The following CNTNAP2 variants were observed in gnomAD, a reference collection of about 807,000 sequenced individuals.
CNTNAP2 encodes contactin associated protein 2, also known as contactin-associated protein-like 2.
Under a neutral mutation model 155.2 loss-of-function variants are expected in CNTNAP2, and 98 were observed. The observed-to-expected ratio is 0.63, with a 90% CI of 0.54 to 0.75. The LOEUF (loss-of-function observed/expected upper bound fraction) is 0.75, where lower values mean the gene tolerates loss of function less well. Ranked by LOEUF, CNTNAP2 falls within the 30% of genes least tolerant of loss-of-function variation. The pLI, the probability that CNTNAP2 is intolerant of heterozygous loss-of-function variation, is 0.00. For synonymous variants in CNTNAP2, 651 were observed against 631.2 expected (o/e 1.03, Z -0.47); for missense variants, 1,727 against 1,688.1 (o/e 1.02, Z -0.40).
intron 1 of CNTNAP2, among the ~76,000 whole-genome samples, chr7:146,263,654 A>G (rs1161920249): frequency 1.3e-5 from 2 of 152,180 alleles, no homozygotes; most frequent in Admixed American, 1.3e-4. Context: ...GGTTGGCTTC[A>G]TTTTTCTCAC....
chr7:148,125,106 A>G (rs979867835), intron 16 of CNTNAP2, among the ~76,000 whole-genome samples: 5 of 152,172 alleles, frequency 3.3e-5, no homozygotes, highest in African/African-American at 9.7e-5. Context: ...CTAAATATTT[A>G]TCTAGTATTT....
intron 13 of CNTNAP2, among the ~76,000 whole-genome samples, chr7:147,786,114 A>G (rs953542313): frequency 6.6e-6 from 1 of 151,844 alleles, no homozygotes; most frequent in Admixed American, 6.6e-5. Context: ...ACATGGTGAA[A>G]CCCCGTCTCT....
At chr7:148,333,376 C>T (rs1798064062) in intron 21 of CNTNAP2, among the ~76,000 whole-genome samples, 2 of 151,958 alleles carry the variant, frequency 1.3e-5, no homozygotes, top group African/African-American at 4.8e-5. Flanking sequence ...TGCGGTGAGC[C>T]GAGATTGCGC....
intron 8 of CNTNAP2, among the ~76,000 whole-genome samples, chr7:147,180,744 A>G (rs758059749): frequency 6.6e-6 from 1 of 152,196 alleles, no homozygotes; most frequent in Non-Finnish European, 1.5e-5. Context: ...TTAACTAGAG[A>G]TCCAAGCCAG....
chr7:146,548,798 GTTT>G (rs71165013), intron 1 of CNTNAP2, among the ~76,000 whole-genome samples: 1 of 123,714 alleles, frequency 8.1e-6, no homozygotes, highest in Non-Finnish European at 1.7e-5. Flanking sequence ...CATTCTCTAG[GTTT>G]TTTTTTTTTT....
At chr7:146,638,383 T>A (rs1375278219) in intron 1 of CNTNAP2, among the ~76,000 whole-genome samples, 1 of 151,942 alleles carries the variant, frequency 6.6e-6, no homozygotes, top group Non-Finnish European at 1.5e-5. Context: ...GGGGCAAGTA[T>A]CACTGGATAT....
chr7:146,746,293 A>C (rs1801808772), intron 1 of CNTNAP2, among the ~76,000 whole-genome samples: 1 of 152,210 alleles, frequency 6.6e-6, no homozygotes, highest in Non-Finnish European at 1.5e-5. Context: ...GTGTGGAAAT[A>C]AGAAAAGTAT....
At chr7:148,242,946 A>T (rs934964221) in intron 20 of CNTNAP2, among the ~76,000 whole-genome samples, 1 of 152,210 alleles carries the variant, frequency 6.6e-6, no homozygotes, top group African/African-American at 2.4e-5. Context: ...GAGCTGAGGA[A>T]ATATAATCAA....
At chr7:147,732,699 C>T (rs866850893) in intron 13 of CNTNAP2, among the ~76,000 whole-genome samples, 45 of 152,232 alleles carry the variant, frequency 3.0e-4, no homozygotes, top group African/African-American at 9.4e-4. Flanking sequence ...CCAGCACCTG[C>T]TGTTTCCTGA....
rs1365718757 is a variant in CNTNAP2, at chr7:146,479,928, G to A, written c.98-294343G>A. ...TCCTCCAGAGTAGCTGGGATTACAG[G>A]CGCCCGCCAACACGCCCGGCTAATT... On this transcript the variant is annotated intron_variant, in intron 1 of 23. Transcript: ENST00000361727. Among the ~76,000 whole-genome samples the A allele has an allele frequency of 2.0e-5, 3 of 152,218 alleles. No homozygotes were observed. The East Asian group carries it at 5.8e-4, about 29-fold the overall frequency.
intron 11 of CNTNAP2, among the ~76,000 whole-genome samples, 158 bp downstream of exon 11, chr7:147,486,199 AT>A (rs1356948926): frequency 6.6e-6 from 1 of 151,654 alleles, no homozygotes; most frequent in Non-Finnish European, 1.5e-5. Flanking sequence ...AAAAAAAAAA[AT>A]AAAATACACT....
At chr7:146,265,068 G>C (rs1033039613) in intron 1 of CNTNAP2, among the ~76,000 whole-genome samples, 2 of 152,174 alleles carry the variant, frequency 1.3e-5, no homozygotes, top group Non-Finnish European at 2.9e-5. Flanking sequence ...ATTTAAAAGT[G>C]AACATTGTGT....
At chr7:146,994,717 T>A (rs1006288200) in intron 3 of CNTNAP2, among the ~76,000 whole-genome samples, 1 of 152,148 alleles carries the variant, frequency 6.6e-6, no homozygotes, top group Non-Finnish European at 1.5e-5. Context: ...TTTAAAACTC[T>A]CACACACATG....
intron 18 of CNTNAP2, among the ~76,000 whole-genome samples, chr7:148,199,693 T>C (rs531150015): frequency 6.6e-6 from 1 of 152,208 alleles, no homozygotes. Context: ...TCAGTAGATT[T>C]TAAAGACTTA....
intron 1 of CNTNAP2, among the ~76,000 whole-genome samples, chr7:146,139,753 T>C (rs1170101457): frequency 6.6e-6 from 1 of 152,116 alleles, no homozygotes; most frequent in Non-Finnish European, 1.5e-5. Context: ...AGGGACCCTA[T>C]TTAAGAAGTT....
chr7:146,524,569 G>T (rs1797660678), intron 1 of CNTNAP2, among the ~76,000 whole-genome samples: 1 of 152,042 alleles, frequency 6.6e-6, no homozygotes, highest in Non-Finnish European at 1.5e-5. Flanking sequence ...AACAGTTTAT[G>T]TTTCTCAACA....
intron 1 of CNTNAP2, among the ~76,000 whole-genome samples, chr7:146,200,003 A>T (rs533630795): frequency 6.6e-6 from 1 of 152,216 alleles, no homozygotes; most frequent in Non-Finnish European, 1.5e-5. Flanking sequence ...TCCGAAAATT[A>T]GTTCTAAGGA....
intron 1 of CNTNAP2, among the ~76,000 whole-genome samples, chr7:146,664,297 G>T (rs1800149123): frequency 6.6e-6 from 1 of 151,326 alleles, no homozygotes. Context: ...GAGCAGCTAG[G>T]ACTACAGGCA....
intron 8 of CNTNAP2, among the ~76,000 whole-genome samples, chr7:147,204,069 AATTAT>A (rs1224020168): frequency 6.6e-6 from 1 of 151,982 alleles, no homozygotes; most frequent in African/African-American, 2.4e-5. Flanking sequence ...TATTATGTTT[AATTAT>A]ATTATAATAA....
Sources: gnomAD v4.1 joint callset for allele counts (sites outside exome capture counted in the v4.1 genomes callset) on GRCh38, gnomAD v4.1.1 for gene constraint, MANE v1.5 for transcripts, NCBI Gene and HGNC (gene_info 2026-07-23, HGNC 2026-07-21) for gene names.